The following SMURF1 variants were observed in gnomAD, a reference collection of about 807,000 sequenced individuals.
SMURF1 encodes the protein E3 ubiquitin-protein ligase SMURF1.
In SMURF1, 44 loss-of-function variants were observed where a neutral mutation model predicts 98.0. The ratio of observed to expected loss-of-function variants is 0.45; its 90% CI spans 0.35 to 0.58. The LOEUF (loss-of-function observed/expected upper bound fraction) is 0.58. Ranked by LOEUF, SMURF1 falls within the 20% of genes least tolerant of loss-of-function variation. The pLI, the probability that SMURF1 is intolerant of heterozygous loss-of-function variation, is 0.00. For missense variants in SMURF1, 687 were observed against 938.4 expected, an observed-to-expected ratio of 0.73 and a Z score of 3.50; for synonymous variants, 396 against 374.9, an observed-to-expected ratio of 1.06 and a Z score of -0.65.
At chr7:99,119,071 A>G (rs1797533364) in intron 1 of SMURF1, among the ~76,000 whole-genome samples, 1 of 115,610 alleles carries the variant, frequency 8.6e-6, no homozygotes, top group African/African-American at 3.4e-5. Flanking sequence ...TATTTTGCCC[A>G]GCCTGGTCTT....
In SMURF1 at chr7:99,057,236, T is replaced by C. The variant is rs765666452; in HGVS notation, c.372A>G (p.Ser124=). 89 of 1,613,926 alleles carry C rather than the reference T, an allele frequency of 5.5e-5. No individual in the cohort carries two copies. The highest frequency in any genetic ancestry group is 1.6e-4 in the Middle Eastern group (1 of 6,080). The change falls in exon 5 of 18, where the codon TCA becomes TCG. Residue 124 remains serine, a synonymous_variant. Transcript: ENST00000361368. ...QRLDLCKLNP[S]DTDAVRGQIV... Reference sequence around the variant, plus strand: ...TCTGGCCACGAACTGCATCAGTATCTGAGGGGTTTAGTTTGCATAGATCCA... The same window carrying C: ...TCTGGCCACGAACTGCATCAGTATCCGAGGGGTTTAGTTTGCATAGATCCA...
chr7:99,106,653 G>A (rs967562760), intron 1 of SMURF1, among the ~76,000 whole-genome samples: 2 of 152,192 alleles, frequency 1.3e-5, no homozygotes, highest in African/African-American at 4.8e-5. Flanking sequence ...AGTGGTGTAT[G>A]CCTGTAATCC....
chr7:99,076,034 T>C (rs1285098059), intron 1 of SMURF1, among the ~76,000 whole-genome samples: 1 of 152,222 alleles, frequency 6.6e-6, no homozygotes, highest in Non-Finnish European at 1.5e-5. Flanking sequence ...CCAGTCACCT[T>C]CTTCATGTGT....
Position 99,037,099 on chromosome 7 carries a change from G to T in SMURF1, c.1777C>A (p.Leu593Met), listed in dbSNP as rs1795175912. The T allele has an allele frequency of 6.2e-7, 1 of 1,614,008 alleles. No homozygotes were observed. Among genetic ancestry groups the T allele is most frequent in the African/African-American group, 1.3e-5 (1 of 74,932 alleles). Residue 593 changes from leucine to methionine, a missense_variant, in exon 15 of 18, where the codon CTG becomes ATG. Physicochemically the swap from Leu to Met is conservative, Grantham distance 15. Coordinates refer to ENST00000361368, the MANE Select transcript of SMURF1 (RefSeq NM_181349.3). ...KGFNELIPQH[L>M]LKPFDQKELE... ...TCCTTCTGGTCAAAAGGCTTCAGCA[G>T]ATGTTGAGGGATGAGCTCATTGAAC...
At chr7:99,066,733 C>T (rs562704583) in intron 1 of SMURF1, among the ~76,000 whole-genome samples, 11 of 150,728 alleles carry the variant, frequency 7.3e-5, no homozygotes, top group African/African-American at 2.7e-4. Context: ...GAGCTATGAC[C>T]ACACCACTGC....
chr7:99,122,070 T>C (rs1056935282), intron 1 of SMURF1, among the ~76,000 whole-genome samples: 4 of 152,176 alleles, frequency 2.6e-5, no homozygotes, highest in African/African-American at 9.7e-5. Flanking sequence ...GGCTCACGCC[T>C]GTAATCCCAG....
At chr7:99,043,211 G>A (rs1260633043) in intron 11 of SMURF1, among the ~76,000 whole-genome samples, 1 of 152,178 alleles carries the variant, frequency 6.6e-6, no homozygotes, top group Non-Finnish European at 1.5e-5. Context: ...GAAGTGGTAA[G>A]GGAAGCAATA....
At chr7:99,134,481 A>C (rs755219256) in intron 1 of SMURF1, among the ~76,000 whole-genome samples, 1 of 152,222 alleles carries the variant, frequency 6.6e-6, no homozygotes, top group Non-Finnish European at 1.5e-5. Context: ...TAGAAATAAA[A>C]TTGAGTAAAC....
intron 1 of SMURF1, among the ~76,000 whole-genome samples, chr7:99,130,868 T>A (rs1584213962): frequency 1.3e-5 from 2 of 152,160 alleles, no homozygotes; most frequent in African/African-American, 4.8e-5. Context: ...AACGAGCACA[T>A]CCCATCATCC....
chr7:99,057,602 T>TTG, intron 3 of SMURF1, 51 bp from the exon 4 acceptor site: 1 of 1,348,334 alleles, frequency 7.4e-7, no homozygotes. Context: ...TTTTTTTTGT[T>TTG]TTGTTTTTTT....
chr7:99,087,759 C>T (rs1374811821), intron 1 of SMURF1, among the ~76,000 whole-genome samples: 1 of 152,128 alleles, frequency 6.6e-6, no homozygotes, highest in Non-Finnish European at 1.5e-5. Context: ...CTTTCCAGCC[C>T]CGCTGCCACT....
chr7:99,073,133 T>A (rs1796365685), intron 1 of SMURF1, among the ~76,000 whole-genome samples: 1 of 151,996 alleles, frequency 6.6e-6, no homozygotes, highest in Admixed American at 6.6e-5. Flanking sequence ...ATCCCAGCAG[T>A]CTGGGAGGCC....
intron 1 of SMURF1, among the ~76,000 whole-genome samples, chr7:99,070,649 CT>C (rs34341240): frequency 1.3e-3 from 189 of 148,104 alleles, no homozygotes; most frequent in South Asian, 5.3e-3. Context: ...TAGGTAATGA[CT>C]TTTTTTTTTT....
Position 99,030,456 on chromosome 7 carries a change from G to T in SMURF1, c.*128C>A. The stretch of plus-strand genomic sequence containing the variant: ...TCCCCCTCCCCCAACAGAAAGGAGA[G>T]AGACAACCCTTTCCCCTCAGGTGAT... On this transcript the variant is annotated 3_prime_UTR_variant, in exon 18 of 18. Coordinates refer to ENST00000361368, the MANE Select transcript of SMURF1 (RefSeq NM_181349.3). The T allele has an allele frequency of 1.3e-6, 1 of 777,264 alleles. No homozygotes were observed. Among genetic ancestry groups the T allele is most frequent in the Non-Finnish European group, 2.1e-6 (1 of 466,774 alleles). 48.1% of individuals were successfully genotyped at this position (777,264 alleles called of 1,614,324 possible).
intron 1 of SMURF1, among the ~76,000 whole-genome samples, chr7:99,113,608 A>C (rs2395021): frequency 0.31 from 46,787 of 151,800 alleles, 7,746 homozygotes; most frequent in South Asian, 0.5. Context: ...TGGGAGTCCA[A>C]GGCGGGCAGA....
At chr7:99,134,750 A>T (rs1435741615) in intron 1 of SMURF1, among the ~76,000 whole-genome samples, 1 of 152,220 alleles carries the variant, frequency 6.6e-6, no homozygotes, top group African/African-American at 2.4e-5. Flanking sequence ...ATTTTATAAA[A>T]ATAGGTCAGA....
At position 99,122,394 on chromosome 7, in the gene SMURF1, A is replaced by G. The variant is rs545124999; in HGVS notation, c.55+21332T>C. On this transcript the variant is annotated intron_variant, in intron 1 of 17. Coordinates refer to ENST00000361368, the MANE Select transcript of SMURF1 (RefSeq NM_181349.3). ...CGCAGTGGCTCACACCTGTAATCTC[A>G]GCACTTTGGGAGGCCAAGGCAGGTG... Among the ~76,000 whole-genome samples, 6 of 151,848 alleles carry G rather than the reference A, an allele frequency of 4.0e-5. No individual in the cohort carries two copies. In the East Asian group the frequency reaches 1.2e-3, roughly 29 times the overall value.
At chr7:99,121,972 G>A (rs551766585) in intron 1 of SMURF1, among the ~76,000 whole-genome samples, 1 of 152,316 alleles carries the variant, frequency 6.6e-6, no homozygotes, top group Admixed American at 6.5e-5. Context: ...GTAGCTGCTT[G>A]ATATAGTCAG....
In SMURF1 at chr7:99,047,675, A is replaced by G. The variant is rs1282351112; in HGVS notation, c.1152+9T>C. ...AACAGGGTCTGGGCAGTGGCCCTGA[A>G]CTCTCTACCTCAAAGATTTCTTCTC... is the stretch of plus-strand genomic sequence containing the variant. On this transcript the variant is annotated intron_variant, in intron 10 of 17. Coordinates refer to ENST00000361368, the MANE Select transcript of SMURF1 (RefSeq NM_181349.3). 2.6e-5 allele frequency: 42 copies of G among 1,613,922 alleles called. No individual in the cohort carries two copies. In the Admixed American group the frequency reaches 6.3e-4, roughly 24 times the overall value.
Sources: allele counts gnomAD v4.1 joint callset (sites outside exome capture counted in the v4.1 genomes callset), GRCh38; gene constraint gnomAD v4.1.1; transcripts MANE v1.5; gene names NCBI Gene and HGNC (gene_info 2026-07-23, HGNC 2026-07-21).